NXN: variants seen among roughly 807,000 people sequenced by gnomAD.
NXN encodes the protein nucleoredoxin 1.
Under a neutral mutation model 48.6 loss-of-function variants are expected in NXN, and 16 were observed. The observed-to-expected ratio is 0.33, with a 90% CI of 0.22 to 0.50. The LOEUF (loss-of-function observed/expected upper bound fraction) is 0.50, where lower values mean the gene tolerates loss of function less well. NXN is among the 20% of genes least tolerant of loss of function. The pLI is 0.98. For synonymous variants in NXN, 281 were observed against 269.6 expected (o/e 1.04, Z -0.41); for missense variants, 492 against 605.5 (o/e 0.81, Z 1.97).
chr17:950,772 G>A (rs1190522810), intron 1 of NXN, among the ~76,000 whole-genome samples: 1 of 151,968 alleles, frequency 6.6e-6, no homozygotes, highest in East Asian at 1.9e-4. Context: ...ACAACCCAGT[G>A]GGACACGCAA....
At chr17:913,459 G>A (rs926306554) in intron 1 of NXN, among the ~76,000 whole-genome samples, 11 of 152,152 alleles carry the variant, frequency 7.2e-5, no homozygotes, top group Admixed American at 7.2e-4. Flanking sequence ...GAAGATGTCG[G>A]CCCCTGCCCA....
chr17:864,558 T>C lies in NXN; in HGVS notation c.361-38480A>G, dbSNP rs113263744. 5.2e-3 allele frequency among the ~76,000 whole-genome samples: 792 copies of C among 152,326 alleles called. 8 individuals carry two copies. The highest frequency in any genetic ancestry group is 0.018 in the African/African-American group (763 of 41,580). On this transcript the variant is annotated intron_variant, in intron 1 of 7. Transcript: ENST00000336868. ...GCTGTTTCTCCCTGATAAACATCGGTGAGACCAACATGAGTGTGAGGCTTT... is the reference window on the plus strand; with the variant it reads ...GCTGTTTCTCCCTGATAAACATCGGCGAGACCAACATGAGTGTGAGGCTTT...
intron 1 of NXN, among the ~76,000 whole-genome samples, chr17:895,062 G>C (rs1162440658): frequency 2.4e-5 from 3 of 122,970 alleles, no homozygotes; most frequent in Non-Finnish European, 3.2e-5. Flanking sequence ...CGTCGCCCAG[G>C]CTGGAGTGCA....
In NXN at chr17:909,098, CAAAAAAAAAAA is replaced by C. The variant is rs59822805; in HGVS notation, c.360+70210_360+70220del. Among the ~76,000 whole-genome samples the C allele has an allele frequency of 7.1e-4, 83 of 117,378 alleles. 1 individual carries two copies. Among genetic ancestry groups the C allele is most frequent in the Admixed American group, 4.5e-3 (56 of 12,490 alleles). 77.0% of individuals were successfully genotyped at this position (117,378 alleles called of 152,430 possible). A position where few individuals can be genotyped will look rare whatever the true frequency, so the allele number is the denominator to read the frequency against. Reference sequence around the variant, plus strand: ...TGGGCGACAGAGTGAGACTTCGTCTCAAAAAAAAAAAAAAAAAAAAAAAAAAAAACACTCCC... The same window carrying C: ...TGGGCGACAGAGTGAGACTTCGTCTCAAAAAAAAAAAAAAAAAACACTCCC... On this transcript the variant is annotated intron_variant, in intron 1 of 7. Coordinates refer to ENST00000336868, the MANE Select transcript of NXN (RefSeq NM_022463.5).
At chr17:888,912 A>G (rs2068377927) in intron 1 of NXN, among the ~76,000 whole-genome samples, 1 of 147,476 alleles carries the variant, frequency 6.8e-6, no homozygotes, top group Admixed American at 7.0e-5. Context: ...CTGAGATCGC[A>G]CCACTGCACT....
chr17:806,654 AT>A (rs898092458), intron 5 of NXN, among the ~76,000 whole-genome samples: 3 of 151,922 alleles, frequency 2.0e-5, no homozygotes, highest in African/African-American at 7.3e-5. Context: ...GCAATTTAAT[AT>A]TTATAGATTC....
chr17:894,700 CG>C, intron 1 of NXN, among the ~76,000 whole-genome samples: 1 of 152,308 alleles, frequency 6.6e-6, no homozygotes, highest in South Asian at 2.1e-4. Context: ...GGGGTCCTGC[CG>C]GGGGCAGCCT....
intron 1 of NXN, among the ~76,000 whole-genome samples, chr17:916,677 G>A (rs1007093791): frequency 3.3e-5 from 5 of 152,088 alleles, no homozygotes; most frequent in African/African-American, 1.2e-4. Flanking sequence ...GGTGGCTCAC[G>A]CCCGTAATCC....
intron 1 of NXN, among the ~76,000 whole-genome samples, chr17:924,729 G>A (rs1191827049): frequency 1.3e-5 from 2 of 151,952 alleles, no homozygotes; most frequent in South Asian, 2.1e-4. Flanking sequence ...GTTCCGTTCC[G>A]TTCCGTTCCC....
intron 6 of NXN, 79 bp from the exon 7 acceptor site, chr17:803,885 G>A: frequency 1.3e-6 from 2 of 1,580,480 alleles, no homozygotes; most frequent in South Asian, 1.1e-5. Context: ...CGCCGAGGGG[G>A]CCTGAGCTGC....
At chr17:834,125 G>A (rs1434229776) in intron 1 of NXN, among the ~76,000 whole-genome samples, 1 of 152,198 alleles carries the variant, frequency 6.6e-6, no homozygotes, top group African/African-American at 2.4e-5. Context: ...TTCAAGACCA[G>A]CCTGGACAAC....
At chr17:863,178 T>A (rs1190096794) in intron 1 of NXN, among the ~76,000 whole-genome samples, 1 of 151,406 alleles carries the variant, frequency 6.6e-6, no homozygotes, top group Non-Finnish European at 1.5e-5. Context: ...TTCTGTCTTC[T>A]TTGTTTTTTT....
chr17:803,950 G>C, intron 6 of NXN, 144 bp from the exon 7 acceptor site: 11 of 1,038,154 alleles, frequency 1.1e-5, no homozygotes, highest in Non-Finnish European at 1.6e-5. Flanking sequence ...CTTGGATGCA[G>C]GTCTTGCTCC....
chr17:959,170 G>T, intron 1 of NXN: 1 of 853,134 alleles, frequency 1.2e-6, no homozygotes, highest in Admixed American at 3.4e-5. Context: ...AGGCTGGAGA[G>T]GTGGTTCCCC....
At position 825,992 on chromosome 17, in the gene NXN, G is replaced by A. The variant is rs61731765; in HGVS notation, c.447C>T (p.Asn149=). 4.2e-3 allele frequency: 6,843 copies of A among 1,613,434 alleles called. 239 individuals carry two copies. The African/African-American group carries it at 0.078, about 18-fold the overall frequency. Residue 149 remains asparagine, a synonymous_variant, in exon 2 of 8, where the codon AAC becomes AAT. Transcript: ENST00000336868. The surrounding 1 kb of genome is among the most constrained non-coding windows in gnomAD (Gnocchi z 4.1). ...GGTCATCTCGGATCACCAGCAGCCC[G>A]TTCCTGCACACAACCTTCCCAGTGG... The part of the protein sequence containing the change: ...DATTGKVVCR[N]GLLVIRDDPE...
At chr17:936,421 G>A (rs1463555469) in intron 1 of NXN, among the ~76,000 whole-genome samples, 3 of 151,890 alleles carry the variant, frequency 2.0e-5, no homozygotes, top group South Asian at 2.1e-4. Context: ...CACACAACCC[G>A]GCCAGCATCT....
chr17:893,567 CG>C (rs1338202320), intron 1 of NXN, among the ~76,000 whole-genome samples: 22 of 150,092 alleles, frequency 1.5e-4, no homozygotes, highest in Admixed American at 2.0e-4. Context: ...TCTCAACCTC[CG>C]GAAGCCAGAG....
intron 5 of NXN, among the ~76,000 whole-genome samples, chr17:813,234 C>A (rs1010932927): frequency 1.3e-5 from 2 of 152,234 alleles, no homozygotes; most frequent in African/African-American, 4.8e-5. Context: ...CCAGCCTGGC[C>A]ACATTTAAAT....
Position 979,735 on chromosome 17 carries a change from CG to C in NXN, c.-58del, listed in dbSNP as rs1360299126. The C allele has an allele frequency of 8.0e-7, 1 of 1,249,698 alleles. No individual in the cohort carries two copies. Among genetic ancestry groups the C allele is most frequent in the Non-Finnish European group, 1.0e-6 (1 of 991,528 alleles). The allele number at this position is 1,249,698 out of a possible 1,614,324, so 77.4% of individuals were successfully genotyped here. ...CGACCCCGCTCCACGGTCCGCGCGG[CG>C]GGAGGAGGCGGCGGCGTCGGCGGCA... is the stretch of plus-strand genomic sequence containing the variant. On this transcript the variant is annotated 5_prime_UTR_variant, in exon 1 of 8. Coordinates refer to ENST00000336868, the MANE Select transcript of NXN (RefSeq NM_022463.5).
Sources: allele counts gnomAD v4.1 joint callset (sites outside exome capture counted in the v4.1 genomes callset), GRCh38; gene constraint gnomAD v4.1.1; non-coding constraint Gnocchi (gnomAD v3.1); transcripts MANE v1.5; gene names NCBI Gene and HGNC (gene_info 2026-07-23, HGNC 2026-07-21).